ANGEL1: variants seen among roughly 807,000 people sequenced by gnomAD.
ANGEL1 encodes RNA 2',3'-cyclic phosphatase ANGEL1.
A neutral mutation model predicts 76.4 loss-of-function variants in ANGEL1; 62 were observed. That is an observed-to-expected ratio of 0.81 (90% CI 0.66 to 1.00). The LOEUF is 1.00. Ranked by LOEUF, ANGEL1 falls within the 50% of genes least tolerant of loss-of-function variation. The pLI is 0.00. For missense variants in ANGEL1, 737 were observed against 836.7 expected (o/e 0.88, Z 1.47); for synonymous variants, 340 against 331.7 (o/e 1.03, Z -0.27).
At chr14:76,802,008 A>C (rs1290923180) in intron 7 of ANGEL1, among the ~76,000 whole-genome samples, 1 of 151,900 alleles carries the variant, frequency 6.6e-6, no homozygotes, top group East Asian at 1.9e-4. Flanking sequence ...AATACAAAAA[A>C]AGAAAAAAAA....
chr14:76,800,376 C>G (rs1486989771), intron 7 of ANGEL1, among the ~76,000 whole-genome samples: 10 of 152,200 alleles, frequency 6.6e-5, no homozygotes, highest in Admixed American at 6.5e-4. Flanking sequence ...TCATTGTTAT[C>G]ACTATTGCTA....
intron 1 of ANGEL1, chr14:76,812,175 CG>C: frequency 1.1e-6 from 1 of 925,084 alleles, no homozygotes; most frequent in Non-Finnish European, 1.3e-6. Flanking sequence ...TCTAAACCGC[CG>C]GGAGTGGGGG....
chr14:76,811,717 G>A (rs1419019376), intron 1 of ANGEL1, among the ~76,000 whole-genome samples: 1 of 152,172 alleles, frequency 6.6e-6, no homozygotes, highest in Non-Finnish European at 1.5e-5. Flanking sequence ...GGACACACAA[G>A]ACATTCCTGA....
At chr14:76,805,709 T>C (rs1226022592) in intron 5 of ANGEL1, among the ~76,000 whole-genome samples, 1 of 152,242 alleles carries the variant, frequency 6.6e-6, no homozygotes, top group East Asian at 1.9e-4. Flanking sequence ...TAGTGTATCA[T>C]GTTTATAAAA....
rs76614624 is a variant in ANGEL1 at position 76,793,709 on chromosome 14, T to A, written c.1619-2343A>T. ...CTTATTTCAAAAGTACAGTAATCTA[T>A]CTTATCCATGGGGGATACATACCGA... On this transcript the variant is annotated intron_variant, in intron 7 of 9. Transcript: ENST00000251089. 7.8e-4 allele frequency among the ~76,000 whole-genome samples: 119 copies of A among 151,914 alleles called. 5 individuals carry two copies. The East Asian group carries it at 0.023, about 29-fold the overall frequency.
chr14:76,810,154 G>A (rs1895040844), intron 1 of ANGEL1: 3 of 454,328 alleles, frequency 6.6e-6, no homozygotes, highest in Middle Eastern at 4.5e-4. Context: ...GAGGCCAGGC[G>A]TGGTGGCTCC....
intron 7 of ANGEL1, among the ~76,000 whole-genome samples, chr14:76,803,116 A>G (rs1894813517): frequency 6.6e-6 from 1 of 152,236 alleles, no homozygotes; most frequent in Admixed American, 6.5e-5. Flanking sequence ...TTAAGCTTAA[A>G]AAGGTTAAAT....
intron 1 of ANGEL1, chr14:76,809,992 C>T: frequency 5.3e-6 from 2 of 374,600 alleles, no homozygotes; most frequent in South Asian, 2.1e-5. Flanking sequence ...TATTAACAAA[C>T]TCTTTGGTTC....
intron 7 of ANGEL1, among the ~76,000 whole-genome samples, chr14:76,791,805 T>C (rs575654131): frequency 1.3e-5 from 2 of 152,214 alleles, no homozygotes; most frequent in African/African-American, 2.4e-5. Context: ...ATTGTGTGTG[T>C]CTATGCATGT....
chr14:76,795,287 A>G (rs996708581), intron 7 of ANGEL1, among the ~76,000 whole-genome samples: 1 of 152,226 alleles, frequency 6.6e-6, no homozygotes, highest in Non-Finnish European at 1.5e-5. Flanking sequence ...TCACATATAT[A>G]TAAAATTATA....
At chr14:76,793,416 A>AGGG (rs1894475564) in intron 7 of ANGEL1, among the ~76,000 whole-genome samples, 1 of 42,530 alleles carries the variant, frequency 2.4e-5, no homozygotes, top group Non-Finnish European at 5.0e-5. Flanking sequence ...ATAAAAGGAA[A>AGGG]GAGGAGAGGG....
Position 76,808,811 on chromosome 14 carries a change from C to A in ANGEL1, c.649+248G>T, listed in dbSNP as rs1488861933. Among the ~76,000 whole-genome samples, 3 of 152,178 alleles carry A rather than the reference C, an allele frequency of 2.0e-5. No individual in the cohort carries two copies. The East Asian group carries it at 5.8e-4, about 29-fold the overall frequency. On this transcript the variant is annotated intron_variant, in intron 2 of 9. Transcript: ENST00000251089. ...AACTAGAGTATGCTTTCAGTTCTTC[C>A]CCTACCTGGCTTTATGACTTTAGTC...
intron 1 of ANGEL1, 71 bp downstream of exon 1, chr14:76,812,693 C>T: frequency 1.4e-6 from 2 of 1,440,662 alleles, no homozygotes; most frequent in Non-Finnish European, 1.8e-6. Flanking sequence ...CGCACGCCGC[C>T]CCAGGCCCGC....
chr14:76,799,192 T>G (rs904851300), intron 7 of ANGEL1, among the ~76,000 whole-genome samples: 6 of 149,306 alleles, frequency 4.0e-5, no homozygotes, highest in African/African-American at 1.5e-4. Flanking sequence ...GGTACTGAAC[T>G]GGAAATATTG....
rs1048530270 is a variant in ANGEL1 at position 76,809,540 on chromosome 14, T to C, written c.168A>G (p.Glu56=). The change falls in exon 2 of 10, where the codon GAA becomes GAG. Residue 56 remains glutamate (E), a synonymous_variant. Transcript: ENST00000251089. ...AMAPRGPEQE[E]CEGLLQQWRE... is the part of the protein sequence containing the mutation. ...GCCACTGCTGCAGCAGGCCCTCACA[T>C]TCCTCCTGCTCAGGGCCCCGAGGGG... 1 of 1,614,100 alleles carries C rather than the reference T, an allele frequency of 6.2e-7. No homozygotes were observed. The highest frequency in any genetic ancestry group is 1.6e-4 in the Middle Eastern group (1 of 6,062).
At chr14:76,804,188 A>C (rs998922337) in intron 5 of ANGEL1, 3 of 1,411,268 alleles carry the variant, frequency 2.1e-6, no homozygotes, top group African/African-American at 2.9e-5. Flanking sequence ...TGGTTCCCTA[A>C]ATTTTACCTC....
At position 76,809,141 on chromosome 14, in the gene ANGEL1, A is replaced by G. The variant is rs776637025; in HGVS notation, c.567T>C (p.Pro189=). The G allele has an allele frequency of 7.4e-6, 12 of 1,614,058 alleles. No individual in the cohort carries two copies. In the African/African-American group the frequency reaches 1.6e-4, roughly 22 times the overall value. Residue 189 remains proline (P), a synonymous_variant, in exon 2 of 10, where the codon CCT becomes CCC. Transcript: ENST00000251089. ...AGATGGAAGCCTCTTCCTGGGGCAC[A>G]GGCTCAGGTGCTATGCTCCAGGCCA... ...AVLAWSIAPE[P]VPQEEASIWP... is the part of the protein sequence containing the mutation.
Position 76,809,551 on chromosome 14 carries a change from C to T in ANGEL1, c.157G>A (p.Glu53Lys). 1 of 1,614,226 alleles carries T rather than the reference C, an allele frequency of 6.2e-7. No individual in the cohort carries two copies. Among genetic ancestry groups the T allele is most frequent in the Non-Finnish European group, 8.5e-7 (1 of 1,180,052 alleles). ...GDFAMAPRGP[E>K]QEECEGLLQQ... The stretch of plus-strand genomic sequence containing the variant: ...AGCAGGCCCTCACATTCCTCCTGCT[C>T]AGGGCCCCGAGGGGCCATGGCAAAG... Residue 53 changes from glutamate (E) to lysine (K), a missense_variant, in exon 2 of 10, where the codon GAG becomes AAG. Coordinates refer to ENST00000251089, the MANE Select transcript of ANGEL1 (RefSeq NM_015305.4).
intron 9 of ANGEL1, 130 bp downstream of exon 9, chr14:76,790,481 G>A (rs917563740): frequency 8.9e-6 from 13 of 1,454,512 alleles, no homozygotes; most frequent in African/African-American, 1.4e-5. Flanking sequence ...ACCAGTGCAA[G>A]GGAGGTATGA....
Sources: gnomAD v4.1 joint callset for allele counts (sites outside exome capture counted in the v4.1 genomes callset) on GRCh38, gnomAD v4.1.1 for gene constraint, MANE v1.5 for transcripts, NCBI Gene and HGNC (gene_info 2026-07-23, HGNC 2026-07-21) for gene names.